Variants in SNX29 observed in about 807,000 individuals in gnomAD.
SNX29 encodes the protein sorting nexin 29, also known as sorting nexin-29.
In SNX29, 78 loss-of-function variants were observed where a neutral mutation model predicts 102.1. The ratio of observed to expected loss-of-function variants is 0.76; its 90% CI spans 0.64 to 0.92. SNX29 has a LOEUF of 0.92. Ranked by LOEUF, SNX29 falls within the 40% of genes least tolerant of loss-of-function variation. SNX29 has a pLI of 0.00. For synonymous variants in SNX29, 580 were observed against 414.5 expected (o/e 1.40, Z -4.85); for missense variants, 1,280 against 1,061.7 (o/e 1.21, Z -2.86).
intron 19 of SNX29, among the ~76,000 whole-genome samples, chr16:12,507,201 A>T (rs1224533507): frequency 1.3e-5 from 2 of 152,224 alleles, no homozygotes; most frequent in Non-Finnish European, 2.9e-5. Context: ...GGATTGAAGC[A>T]CAGAGGGTCT....
chr16:12,498,287 G>C (rs1006617410), intron 19 of SNX29, among the ~76,000 whole-genome samples: 1 of 152,188 alleles, frequency 6.6e-6, no homozygotes, highest in East Asian at 1.9e-4. Flanking sequence ...CACGTTAGCA[G>C]GTGAGGCAAA....
intron 2 of SNX29, among the ~76,000 whole-genome samples, chr16:12,001,813 T>C (rs2056298250): frequency 6.6e-6 from 1 of 151,932 alleles, no homozygotes; most frequent in African/African-American, 2.4e-5. Flanking sequence ...AGGCCAGGGG[T>C]GTGAGACCAG....
At chr16:12,342,781 G>GT (rs1298952999) in intron 15 of SNX29, among the ~76,000 whole-genome samples, 3 of 152,182 alleles carry the variant, frequency 2.0e-5, no homozygotes, top group Admixed American at 6.5e-5. Context: ...AATCCTGGCC[G>GT]TCCAGCTCCA....
At chr16:12,419,197 G>A (rs942780575) in intron 18 of SNX29, among the ~76,000 whole-genome samples, 3 of 152,156 alleles carry the variant, frequency 2.0e-5, no homozygotes, top group Non-Finnish European at 4.4e-5. Context: ...GCAGGTTTAT[G>A]TGAGGAGCTG....
chr16:12,257,098 G>A (rs751067328), intron 14 of SNX29, among the ~76,000 whole-genome samples: 2 of 152,112 alleles, frequency 1.3e-5, no homozygotes, highest in Non-Finnish European at 2.9e-5. Flanking sequence ...TGCTCATTCC[G>A]TTGTTGACAG....
chr16:12,332,827 G>A (rs539350675), intron 15 of SNX29, among the ~76,000 whole-genome samples: 15 of 152,086 alleles, frequency 9.9e-5, no homozygotes, highest in African/African-American at 3.4e-4. Context: ...CTTTCATTTC[G>A]TCTTGGCTGC....
intron 15 of SNX29, among the ~76,000 whole-genome samples, chr16:12,318,470 C>T (rs958689770): frequency 5.9e-5 from 9 of 152,120 alleles, no homozygotes; most frequent in African/African-American, 2.2e-4. Flanking sequence ...TGGAGGGAGG[C>T]ATGACTTGGG....
chr16:11,987,183 G>T (rs888559249), intron 1 of SNX29, among the ~76,000 whole-genome samples: 4 of 151,680 alleles, frequency 2.6e-5, no homozygotes, highest in African/African-American at 9.7e-5. Flanking sequence ...TTCCTCCTCA[G>T]CTCCCCAGGA....
intron 14 of SNX29, among the ~76,000 whole-genome samples, chr16:12,257,190 C>G (rs906952680): frequency 6.6e-6 from 1 of 152,104 alleles, no homozygotes; most frequent in African/African-American, 2.4e-5. Context: ...GCTCTGGAGG[C>G]CCCCAGAACC....
At chr16:12,458,451 C>T (rs1195580034) in intron 18 of SNX29, among the ~76,000 whole-genome samples, 3 of 152,158 alleles carry the variant, frequency 2.0e-5, no homozygotes, top group African/African-American at 7.2e-5. Context: ...GCTTCTGTGG[C>T]TGCCTGAGAA....
Position 12,570,347 on chromosome 16 carries a change from T to A in SNX29, c.*1718T>A. ...CAACTTGGTCTCCCTCCCACTCACC[T>A]GCCAACATTGCTGCAATACACATGG... On this transcript the variant is annotated 3_prime_UTR_variant, in exon 21 of 21. Coordinates refer to ENST00000566228, the MANE Select transcript of SNX29 (RefSeq NM_032167.5). The A allele has an allele frequency of 1.6e-6, 1 of 608,546 alleles. No homozygotes were observed. The highest frequency in any genetic ancestry group is 2.2e-6 in the Non-Finnish European group (1 of 461,194). 37.7% of individuals were successfully genotyped at this position (608,546 alleles called of 1,614,324 possible).
At chr16:12,390,867 C>G (rs1312172283) in intron 16 of SNX29, among the ~76,000 whole-genome samples, 2 of 147,814 alleles carry the variant, frequency 1.4e-5, no homozygotes, top group Admixed American at 1.4e-4. Context: ...TGACTCAAGT[C>G]TTGTTCAGTC....
chr16:12,014,187 T>C lies in SNX29; in HGVS notation c.122+11144T>C, dbSNP rs547959807. Among the ~76,000 whole-genome samples, 15 of 152,254 alleles carry C rather than the reference T, an allele frequency of 9.9e-5. No homozygotes were observed. In the East Asian group the frequency reaches 2.7e-3, roughly 27 times the overall value. On this transcript the variant is annotated intron_variant, in intron 3 of 20. Transcript: ENST00000566228. ...GACCAGACTTGGAGATCCCATTGACTATTGGCTTCATGTGATTTCTCGTGT... is the reference window on the plus strand; with the variant it reads ...GACCAGACTTGGAGATCCCATTGACCATTGGCTTCATGTGATTTCTCGTGT...
At position 12,568,006 on chromosome 16, in the gene SNX29, C is replaced by T. The variant is rs1408301989; in HGVS notation, c.2319-500C>T. On this transcript the variant is annotated intron_variant, in intron 20 of 20. Transcript: ENST00000566228. ...CTGTTCCTGGCTCTTAAACACAATACCATGCCAAACAACCTTTTAACTAGC... is the reference window on the plus strand; with the variant it reads ...CTGTTCCTGGCTCTTAAACACAATATCATGCCAAACAACCTTTTAACTAGC... Among the ~76,000 whole-genome samples the T allele has an allele frequency of 2.0e-5, 3 of 152,168 alleles. 1 individual carries two copies. Among genetic ancestry groups the T allele is most frequent in the South Asian group, 4.1e-4 (2 of 4,830 alleles).
At chr16:12,086,009 CTTTTTTTT>C (rs34239419) in intron 11 of SNX29, among the ~76,000 whole-genome samples, 1 of 117,378 alleles carries the variant, frequency 8.5e-6, no homozygotes, top group Non-Finnish European at 1.7e-5. Flanking sequence ...CTTGCCAATT[CTTTTTTTT>C]TTTTTTTTTT....
chr16:12,367,680 G>A (rs1227127556), intron 16 of SNX29, among the ~76,000 whole-genome samples: 1 of 152,230 alleles, frequency 6.6e-6, no homozygotes, highest in Non-Finnish European at 1.5e-5. Context: ...TTTCTGCCGG[G>A]TGGCACTTGC....
intron 14 of SNX29, among the ~76,000 whole-genome samples, chr16:12,199,909 A>G (rs2076871880): frequency 1.3e-5 from 2 of 152,210 alleles, no homozygotes; most frequent in Non-Finnish European, 2.9e-5. Context: ...TATTAGCAAC[A>G]GTCTTATTGG....
At chr16:12,268,343 G>A (rs942528712) in intron 14 of SNX29, among the ~76,000 whole-genome samples, 3 of 152,188 alleles carry the variant, frequency 2.0e-5, no homozygotes, top group Admixed American at 6.5e-5. Flanking sequence ...AGCTAGTTGT[G>A]TAGGAACTAA....
At chr16:12,164,897 A>T (rs2055947923) in intron 13 of SNX29, among the ~76,000 whole-genome samples, 1 of 152,116 alleles carries the variant, frequency 6.6e-6, no homozygotes, top group Non-Finnish European at 1.5e-5. Flanking sequence ...CATGTTTGTC[A>T]GGCTGGTCTT....
Sources: allele counts gnomAD v4.1 joint callset (sites outside exome capture counted in the v4.1 genomes callset), GRCh38; gene constraint gnomAD v4.1.1; transcripts MANE v1.5; gene names NCBI Gene and HGNC (gene_info 2026-07-23, HGNC 2026-07-21).